The following TMEM273 variants were observed in gnomAD, a reference collection of about 807,000 sequenced individuals.
TMEM273 encodes the protein chromosome 10 open reading frame 128.
Under a neutral mutation model 17.9 loss-of-function variants are expected in TMEM273, and 19 were observed. The observed-to-expected ratio is 1.06, with a 90% CI of 0.74 to 1.55. TMEM273 has a LOEUF of 1.55. Ranked by LOEUF, TMEM273 falls within the 40% of genes most tolerant of loss-of-function variation. TMEM273 has a pLI of 0.00. For missense variants in TMEM273, 194 were observed against 155.6 expected, an observed-to-expected ratio of 1.25 and a Z score of -1.31; for synonymous variants, 66 against 62.0, an observed-to-expected ratio of 1.07 and a Z score of -0.31.
At chr10:49,186,125 A>AGAAGAAGAG (rs1403415880) in intron 1 of TMEM273, among the ~76,000 whole-genome samples, 1 of 148,432 alleles carries the variant, frequency 6.7e-6, no homozygotes, top group Non-Finnish European at 1.5e-5. Flanking sequence ...AAGAAGAAAA[A>AGAAGAAGAG]GAGGAAGAAG....
intron 1 of TMEM273, among the ~76,000 whole-genome samples, chr10:49,187,032 C>T (rs1847767810): frequency 6.6e-6 from 1 of 152,190 alleles, no homozygotes; most frequent in Admixed American, 6.5e-5. Context: ...ATAATTTGCA[C>T]ATTTTTCATT....
chr10:49,166,861 T>C lies in TMEM273; in HGVS notation c.238+8A>G, dbSNP rs148736320. 2.4e-3 allele frequency: 3,843 copies of C among 1,613,284 alleles called. 70 individuals are homozygous for C. In the African/African-American group the frequency reaches 0.04, roughly 17 times the overall value. On this transcript the variant is annotated splice_region_variant and intron_variant, in intron 3 of 6. Transcript: ENST00000374153. ...GGCAGAGCCAGGCCCGAGCACCACATCCCTCACCACTGAGGCCCCCAGGCG... is the reference window on the plus strand; with the variant it reads ...GGCAGAGCCAGGCCCGAGCACCACACCCCTCACCACTGAGGCCCCCAGGCG...
intron 1 of TMEM273, among the ~76,000 whole-genome samples, chr10:49,186,182 T>C (rs1269026194): frequency 2.0e-5 from 3 of 152,136 alleles, no homozygotes; most frequent in Admixed American, 6.5e-5. Context: ...CTCTAACCTG[T>C]AACTATCACT....
Position 49,166,996 on chromosome 10 carries a change from G to A in TMEM273, c.111C>T (p.Ala37=). 1 of 1,614,058 alleles carries A rather than the reference G, an allele frequency of 6.2e-7. No homozygotes were observed. Among genetic ancestry groups the A allele is most frequent in the Admixed American group, 1.7e-5 (1 of 60,030 alleles). Reference sequence around the variant, plus strand: ...CGACACCCACAGCAGTCCCGATGAGGGCGTACTTGAAATCTGAAACGCAGG... The same window carrying A: ...CGACACCCACAGCAGTCCCGATGAGAGCGTACTTGAAATCTGAAACGCAGG... The part of the protein sequence containing the change: ...TPGAEIDFKY[A]LIGTAVGVAI... The change falls in exon 3 of 7, where the codon GCC becomes GCT. Residue 37 remains alanine, a synonymous_variant. Coordinates refer to ENST00000374153, the MANE Select transcript of TMEM273 (RefSeq NM_001288740.3).
chr10:49,172,708 A>C (rs1412426837), intron 1 of TMEM273, among the ~76,000 whole-genome samples: 1 of 152,192 alleles, frequency 6.6e-6, no homozygotes, highest in Non-Finnish European at 1.5e-5. Flanking sequence ...CAATGGCCTC[A>C]TTGCACACAG....
chr10:49,157,366 G>A (rs1845575208), intron 6 of TMEM273, among the ~76,000 whole-genome samples: 1 of 152,236 alleles, frequency 6.6e-6, no homozygotes, highest in Admixed American at 6.5e-5. Flanking sequence ...GGACTAGTAG[G>A]TGAATTAGGC....
At chr10:49,157,518 G>C (rs1025305101) in intron 6 of TMEM273, among the ~76,000 whole-genome samples, 2 of 152,308 alleles carry the variant, frequency 1.3e-5, no homozygotes, top group Admixed American at 1.3e-4. Context: ...AGAACAAAAA[G>C]AAACAAAAGT....
At chr10:49,166,737 G>T in intron 3 of TMEM273, 132 bp downstream of exon 3, 1 of 1,348,198 alleles carries the variant, frequency 7.4e-7, no homozygotes. Context: ...ACATGCAGAG[G>T]TCACTGCCTT....
At chr10:49,166,690 G>A (rs1846204566) in intron 3 of TMEM273, 179 bp downstream of exon 3, 2 of 834,474 alleles carry the variant, frequency 2.4e-6, no homozygotes, top group Non-Finnish European at 3.8e-6. Context: ...ACAGAAGAAA[G>A]AGAAACAGAG....
chr10:49,177,513 G>T (rs72789092), intron 1 of TMEM273, among the ~76,000 whole-genome samples: 3,430 of 152,322 alleles, frequency 0.023, 56 homozygotes, highest in Middle Eastern at 0.082. Context: ...CCAGTGTCAG[G>T]ACAAGGGCCT....
At chr10:49,171,989 G>A (rs2804928) in intron 1 of TMEM273, among the ~76,000 whole-genome samples, 15,161 of 152,216 alleles carry the variant, frequency 0.1, 1,071 homozygotes, top group East Asian at 0.3. Flanking sequence ...GTAGGCGTGC[G>A]TGCACTCAGA....
chr10:49,171,891 T>C (rs539552102), intron 1 of TMEM273, among the ~76,000 whole-genome samples: 3 of 150,820 alleles, frequency 2.0e-5, no homozygotes, highest in African/African-American at 7.4e-5. Flanking sequence ...GCTGTCCACC[T>C]GTTGGGTCCA....
intron 5 of TMEM273, among the ~76,000 whole-genome samples, chr10:49,162,183 T>C (rs1845885662): frequency 6.6e-6 from 1 of 152,188 alleles, no homozygotes; most frequent in South Asian, 2.1e-4. Context: ...AAAAGCACAG[T>C]GACTGCTCAT....
chr10:49,176,000 G>A (rs866882403), intron 1 of TMEM273, among the ~76,000 whole-genome samples: 2 of 152,236 alleles, frequency 1.3e-5, no homozygotes, highest in African/African-American at 2.4e-5. Context: ...CCCATGGTGG[G>A]TGGGAGGGAA....
At position 49,168,690 on chromosome 10, in the gene TMEM273, AAGGGAGGG is replaced by A. The variant is rs565991789; in HGVS notation, c.44-736_44-729del. On this transcript the variant is annotated intron_variant, in intron 1 of 6. Coordinates refer to ENST00000374153, the MANE Select transcript of TMEM273 (RefSeq NM_001288740.3). ...GAAGGAAGAAAGGAAGGAAGGAAGG[AAGGGAGGG>A]AGGGAGGGAGGGAGGGAGGGAGGGT... Among the ~76,000 whole-genome samples, 1,062 of 66,320 alleles carry A rather than the reference AAGGGAGGG, an allele frequency of 0.016. 27 individuals are homozygous for A. The South Asian group carries it at 0.19, about 12-fold the overall frequency. 43.5% of individuals were successfully genotyped at this position (66,320 alleles called of 152,430 possible).
intron 1 of TMEM273, among the ~76,000 whole-genome samples, chr10:49,171,063 G>T (rs1031710988): frequency 1.3e-5 from 2 of 152,232 alleles, no homozygotes; most frequent in African/African-American, 4.8e-5. Context: ...AGCAGGAACT[G>T]CACTGCATTT....
rs1039997804 is a variant in TMEM273, at chr10:49,155,731, C to G, written c.*161G>C. On this transcript the variant is annotated 3_prime_UTR_variant, in exon 7 of 7. Coordinates refer to ENST00000374153, the MANE Select transcript of TMEM273 (RefSeq NM_001288740.3). ...GATATTTTCCTTCAGGACAGAGGCACTGTATATTCTATTCCTTCTATTATT... is the reference window on the plus strand; with the variant it reads ...GATATTTTCCTTCAGGACAGAGGCAGTGTATATTCTATTCCTTCTATTATT... 8.4e-6 allele frequency: 8 copies of G among 950,308 alleles called. No individual in the cohort carries two copies. Among genetic ancestry groups the G allele is most frequent in the African/African-American group, 1.6e-5 (1 of 61,614 alleles). The allele number at this position is 950,308 out of a possible 1,614,324, so 58.9% of individuals were successfully genotyped here.
intron 1 of TMEM273, among the ~76,000 whole-genome samples, chr10:49,176,538 T>C (rs1846981977): frequency 6.6e-6 from 1 of 152,218 alleles, no homozygotes; most frequent in Admixed American, 6.5e-5. Context: ...TAAAGTATTG[T>C]GGAAGAGGAA....
At chr10:49,165,329 C>T in intron 4 of TMEM273, 46 bp from the exon 5 acceptor site, 13 of 1,550,386 alleles carry the variant, frequency 8.4e-6, no homozygotes, top group Non-Finnish European at 1.0e-5. Flanking sequence ...GTGCAAAGGT[C>T]CCAAGGCAGG....
Sources: gnomAD v4.1 joint callset for allele counts (sites outside exome capture counted in the v4.1 genomes callset) on GRCh38, gnomAD v4.1.1 for gene constraint, MANE v1.5 for transcripts, NCBI Gene and HGNC (gene_info 2026-07-23, HGNC 2026-07-21) for gene names.